Variants in EXOC3 observed in about 807,000 individuals in gnomAD.
The protein encoded by EXOC3 is exocyst complex component 3, also known as SEC6-like 1.
EXOC3 carries 21 observed loss-of-function variants against 73.7 expected under a neutral mutation model. The ratio of observed to expected loss-of-function variants is 0.29; its 90% CI spans 0.20 to 0.41. The LOEUF (loss-of-function observed/expected upper bound fraction) is 0.41. EXOC3 is among the 10% of genes least tolerant of loss of function. The pLI is 1.00. For missense variants in EXOC3, 842 were observed against 985.1 expected (o/e 0.85, Z 1.95); for synonymous variants, 410 against 389.1 (o/e 1.05, Z -0.63).
Position 443,196 on chromosome 5 carries a change from A to AGGCGGAGGC in EXOC3, c.-150_-142dup, listed in dbSNP as rs1198086839. On this transcript the variant is annotated 5_prime_UTR_variant, in exon 1 of 13. Transcript: ENST00000512944. ...TGTCCACTTCCGGCCGGGACCCCGG[A>AGGCGGAGGC]GGCGGAGGCAGCGAAGGCGGAGGGG... 3 of 157,382 alleles carry AGGCGGAGGC rather than the reference A, an allele frequency of 1.9e-5. No homozygotes were observed. Among genetic ancestry groups the AGGCGGAGGC allele is most frequent in the African/African-American group, 7.3e-5 (3 of 41,188 alleles). 9.7% of individuals were successfully genotyped at this position (157,382 alleles called of 1,614,324 possible). A position where few individuals can be genotyped will look rare whatever the true frequency, so the allele number is the denominator to read the frequency against.
Position 462,216 on chromosome 5 carries a change from C to T in EXOC3, c.1562C>T (p.Ser521Phe). The T allele has an allele frequency of 6.2e-7, 1 of 1,613,964 alleles. No individual in the cohort carries two copies. Among genetic ancestry groups the T allele is most frequent in the Non-Finnish European group, 8.5e-7 (1 of 1,179,880 alleles). ...AAGAATGAAGTGGAAGAGGGTGTGT[C>T]TCCGAGCCAGCCCAGCATGGACGGG... ...YLKNEVEEGV[S>F]PSQPSMDGIL... The change falls in exon 9 of 13, where the codon TCT becomes TTT. Residue 521 changes from serine to phenylalanine, a missense_variant. Ser to Phe is a radical substitution (Grantham distance 155). Coordinates refer to ENST00000512944, the MANE Select transcript of EXOC3 (RefSeq NM_007277.5).
At chr5:446,585 G>A (rs1449085988) in intron 2 of EXOC3, among the ~76,000 whole-genome samples, 3 of 152,214 alleles carry the variant, frequency 2.0e-5, no homozygotes, top group Non-Finnish European at 2.9e-5. Context: ...GGCCGGGTGC[G>A]GTGACTCATG....
At position 456,937 on chromosome 5, in the gene EXOC3, C is replaced by T; in HGVS notation, c.1095C>T (p.Gly365=). The change falls in exon 5 of 13, where the codon GGC becomes GGT. Residue 365 remains glycine (G), a synonymous_variant. Coordinates refer to ENST00000512944, the MANE Select transcript of EXOC3 (RefSeq NM_007277.5). Reference sequence around the variant, plus strand: ...AGCTGGCCCCGGAAGTGGATGTCGGCACCCTGGAGCCATTGCTTTCTCCAC... The same window carrying T: ...AGCTGGCCCCGGAAGTGGATGTCGGTACCCTGGAGCCATTGCTTTCTCCAC... The part of the protein sequence containing the change: ...NVELAPEVDV[G]TLEPLLSPHV... 1 of 1,614,046 alleles carries T rather than the reference C, an allele frequency of 6.2e-7. No homozygotes were observed. The highest frequency in any genetic ancestry group is 8.5e-7 in the Non-Finnish European group (1 of 1,179,872).
At chr5:443,973 C>G (rs1737429087) in intron 1 of EXOC3, among the ~76,000 whole-genome samples, 1 of 151,774 alleles carries the variant, frequency 6.6e-6, no homozygotes, top group African/African-American at 2.4e-5. Flanking sequence ...AGCGGAGTGT[C>G]CCCTCCGTGA....
At chr5:443,505 C>T (rs1263840863) in intron 1 of EXOC3, among the ~76,000 whole-genome samples, 1 of 151,906 alleles carries the variant, frequency 6.6e-6, no homozygotes, top group African/African-American at 2.4e-5. Flanking sequence ...TGTGTCCCCC[C>T]CAGGCGTAGG....
At chr5:454,466 A>AG (rs1156344810) in intron 4 of EXOC3, among the ~76,000 whole-genome samples, 3 of 152,238 alleles carry the variant, frequency 2.0e-5, no homozygotes, top group Non-Finnish European at 2.9e-5. Flanking sequence ...ACTGGGGAGG[A>AG]GACCACTACA....
rs534941835 is a variant in EXOC3, at chr5:443,256, C to G, written c.-91C>G. The G allele has an allele frequency of 1.4e-5, 1 of 72,086 alleles. No homozygotes were observed. The allele number at this position is 72,086 out of a possible 1,614,324, so 4.5% of individuals were successfully genotyped here. On this transcript the variant is annotated 5_prime_UTR_variant, in exon 1 of 13. Coordinates refer to ENST00000512944, the MANE Select transcript of EXOC3 (RefSeq NM_007277.5). ...GCGGCGGCGGCGGCGGCGGCGGCGG[C>G]GGCGGCGGCGGCGGCGGCGGCGTAG... is the stretch of plus-strand genomic sequence containing the variant.
chr5:443,523 T>C (rs970945910), intron 1 of EXOC3, among the ~76,000 whole-genome samples: 2 of 150,672 alleles, frequency 1.3e-5, no homozygotes, highest in Non-Finnish European at 3.0e-5. Flanking sequence ...AGGTGTCCCC[T>C]TGGCACATGT....
intron 9 of EXOC3, 34 bp from the exon 10 acceptor site, chr5:464,256 G>A (rs1419433942): frequency 1.1e-5 from 17 of 1,605,848 alleles, no homozygotes; most frequent in Non-Finnish European, 1.4e-5. Flanking sequence ...GGACGTTGAG[G>A]TGATGATTTC....
Position 459,388 on chromosome 5 carries a change from T to C in EXOC3, c.1320T>C (p.Ala440=). Residue 440 remains alanine, a synonymous_variant, in exon 7 of 13, where the codon GCT becomes GCC. Transcript: ENST00000512944. ...QMFEQNLQVA[A]QISEDLKTKV... ...TTGAACAGAATCTTCAAGTTGCTGCTCAGATAAGTGAAGATTTGAAAACAA... is the reference window on the plus strand; with the variant it reads ...TTGAACAGAATCTTCAAGTTGCTGCCCAGATAAGTGAAGATTTGAAAACAA... The C allele has an allele frequency of 1.9e-6, 3 of 1,568,976 alleles. No homozygotes were observed. The highest frequency in any genetic ancestry group is 2.6e-6 in the Non-Finnish European group (3 of 1,153,056).
intron 12 of EXOC3, 65 bp downstream of exon 12, chr5:465,910 C>A: frequency 6.5e-7 from 1 of 1,527,278 alleles, no homozygotes; most frequent in Non-Finnish European, 8.9e-7. Flanking sequence ...GTCCCTCCTT[C>A]TGTCTGGGGC....
At position 453,667 on chromosome 5, in the gene EXOC3, A is replaced by G. The variant is rs1358021550; in HGVS notation, c.662A>G (p.Lys221Arg). 1 of 1,613,982 alleles carries G rather than the reference A, an allele frequency of 6.2e-7. No individual in the cohort carries two copies. ...GTCAGGATCATTGAAAGGGAAGAGA[A>G]AATTGACAGGCGCATACTTGACCGG... ...SVVRIIEREE[K>R]IDRRILDRKK... Residue 221 changes from lysine to arginine, a missense_variant, in exon 4 of 13, where the codon AAA becomes AGA. By Grantham distance (26) the Lys-to-Arg change is conservative (BLOSUM62 2). Coordinates refer to ENST00000512944, the MANE Select transcript of EXOC3 (RefSeq NM_007277.5).
At chr5:450,186 CAGTG>C (rs1737623775) in intron 3 of EXOC3, among the ~76,000 whole-genome samples, 1 of 152,228 alleles carries the variant, frequency 6.6e-6, no homozygotes, top group Non-Finnish European at 1.5e-5. Context: ...GCAGAGGTCA[CAGTG>C]AGCCGAGATC....
rs199760213 is a variant in EXOC3, at chr5:455,687, GGT to G, written c.1047-1199_1047-1198del. Among the ~76,000 whole-genome samples, 1,157 of 152,302 alleles carry G rather than the reference GGT, an allele frequency of 7.6e-3. 48 individuals are homozygous for G. The highest frequency in any genetic ancestry group is 0.061 in the Admixed American group (940 of 15,292). On this transcript the variant is annotated intron_variant, in intron 4 of 12. Transcript: ENST00000512944. ...TTTTAATTTTTGTGGGTACATAGTA[GGT>G]GTATCCCGGCTTCACGCCATTCTCC...
intron 7 of EXOC3, among the ~76,000 whole-genome samples, chr5:461,152 G>A (rs1294951777): frequency 7.2e-6 from 1 of 137,956 alleles, no homozygotes; most frequent in Non-Finnish European, 1.6e-5. Context: ...TCTAGGTGAA[G>A]TGTATAGTAA....
At chr5:449,111 C>T (rs964235238) in intron 3 of EXOC3, among the ~76,000 whole-genome samples, 2 of 152,204 alleles carry the variant, frequency 1.3e-5, no homozygotes, top group South Asian at 2.1e-4. Flanking sequence ...TTAGTTTATC[C>T]ACAGCAGTTG....
intron 2 of EXOC3, among the ~76,000 whole-genome samples, chr5:446,836 AAC>A (rs138721639): frequency 0.26 from 40,237 of 151,886 alleles, 6,953 homozygotes; most frequent in Non-Finnish European, 0.39. Flanking sequence ...CAGCCTGGGC[AAC>A]AGAGTGAGAC....
rs920794120 is a variant in EXOC3 at position 457,179 on chromosome 5, A to C, written c.1164+173A>C. On this transcript the variant is annotated intron_variant, in intron 5 of 12. Coordinates refer to ENST00000512944, the MANE Select transcript of EXOC3 (RefSeq NM_007277.5). Reference sequence around the variant, plus strand: ...CCTTGACAGGTCAGTTTGCTAGAAGAGGAGAATGGCCCCTTCTCTGGGCCT... The same window carrying C: ...CCTTGACAGGTCAGTTTGCTAGAAGCGGAGAATGGCCCCTTCTCTGGGCCT... 27 of 606,120 alleles carry C rather than the reference A, an allele frequency of 4.5e-5. No homozygotes were observed. The African/African-American group carries it at 4.6e-4, about 10-fold the overall frequency. The allele number at this position is 606,120 out of a possible 1,614,324, so 37.5% of individuals were successfully genotyped here.
intron 4 of EXOC3, among the ~76,000 whole-genome samples, chr5:455,895 T>G (rs187962566): frequency 1.3e-5 from 2 of 152,378 alleles, no homozygotes; most frequent in African/African-American, 4.8e-5. Context: ...TGAGCCACCA[T>G]GCCCGGCTGA....
Sources: allele counts gnomAD v4.1 joint callset (sites outside exome capture counted in the v4.1 genomes callset), GRCh38; gene constraint gnomAD v4.1.1; transcripts MANE v1.5; gene names NCBI Gene and HGNC (gene_info 2026-07-23, HGNC 2026-07-21).